The following GLIS3 variants were observed in gnomAD, a reference collection of about 807,000 sequenced individuals.
The protein encoded by GLIS3 is GLIS family zinc finger 3, also known as zinc finger protein GLIS3.
A neutral mutation model predicts 78.6 loss-of-function variants in GLIS3; 53 were observed. That is an observed-to-expected ratio of 0.67 (90% confidence interval 0.54 to 0.85). GLIS3 has a LOEUF of 0.85. Ranked by LOEUF, GLIS3 falls within the 40% of genes least tolerant of loss-of-function variation. The probability of loss-of-function intolerance (pLI) is 0.00; values close to 1 mark genes in which losing one functional copy is unlikely to be tolerated. For synonymous variants in GLIS3, 684 were observed against 509.9 expected (o/e 1.34, Z -4.60); for missense variants, 1,703 against 1,231.1 (o/e 1.38, Z -5.74).
At chr9:4,267,244 A>G (rs1009079375) in intron 2 of GLIS3, among the ~76,000 whole-genome samples, 2 of 152,110 alleles carry the variant, frequency 1.3e-5, no homozygotes, top group African/African-American at 4.8e-5. Context: ...ATTCTAGGCA[A>G]TTTCTGGTAT....
At chr9:4,260,707 C>G (rs1241353735) in intron 2 of GLIS3, among the ~76,000 whole-genome samples, 1 of 151,970 alleles carries the variant, frequency 6.6e-6, no homozygotes, top group African/African-American at 2.4e-5. Context: ...GATCGTGCCA[C>G]TGTACTCCAG....
intron 2 of GLIS3, among the ~76,000 whole-genome samples, chr9:4,259,818 T>C (rs758697063): frequency 9.2e-5 from 14 of 152,176 alleles, no homozygotes; most frequent in Non-Finnish European, 1.0e-4. Context: ...TTTCTGGAAT[T>C]AGATGCCATT....
chr9:4,428,727 C>T, the GLIS3 span, among the ~76,000 whole-genome samples: 1 of 152,098 alleles, frequency 6.6e-6, no homozygotes, highest in Non-Finnish European at 1.5e-5. Flanking sequence ...CCCTAGGAAT[C>T]CCGCAAAAGC....
chr9:3,870,099 G>C (rs1327402119), intron 8 of GLIS3, among the ~76,000 whole-genome samples: 1 of 152,208 alleles, frequency 6.6e-6, no homozygotes, highest in Non-Finnish European at 1.5e-5. Flanking sequence ...TTACAGAATT[G>C]CAAAGCCATT....
chr9:3,990,433 T>C (rs903158216), intron 4 of GLIS3, among the ~76,000 whole-genome samples: 5 of 152,186 alleles, frequency 3.3e-5, no homozygotes, highest in African/African-American at 1.2e-4. Flanking sequence ...AGTCCTTGGC[T>C]CATGATGGAA....
chr9:4,029,933 G>T (rs920533471), intron 4 of GLIS3, among the ~76,000 whole-genome samples: 12 of 152,270 alleles, frequency 7.9e-5, no homozygotes, highest in Middle Eastern at 3.4e-3. Context: ...TCAATATACT[G>T]ATTTCCTTTC....
At chr9:4,002,972 T>C (rs1398234533) in intron 4 of GLIS3, among the ~76,000 whole-genome samples, 1 of 152,248 alleles carries the variant, frequency 6.6e-6, no homozygotes, top group Admixed American at 6.5e-5. Context: ...CATAGTTGCA[T>C]ACTTCTGGAA....
At chr9:4,143,149 C>G (rs1833934398) in intron 2 of GLIS3, among the ~76,000 whole-genome samples, 1 of 152,112 alleles carries the variant, frequency 6.6e-6, no homozygotes, top group Non-Finnish European at 1.5e-5. Flanking sequence ...GATGATTTGA[C>G]ATACGTACAC....
At chr9:4,073,971 C>T (rs1827838866) in intron 4 of GLIS3, among the ~76,000 whole-genome samples, 1 of 152,134 alleles carries the variant, frequency 6.6e-6, no homozygotes, top group South Asian at 2.1e-4. Flanking sequence ...TGTAGAAGGC[C>T]ATCATACGAA....
intron 2 of GLIS3, among the ~76,000 whole-genome samples, chr9:4,222,285 C>T (rs753905039): frequency 1.3e-5 from 2 of 152,146 alleles, no homozygotes; most frequent in African/African-American, 4.8e-5. Context: ...CAACCCCAAA[C>T]AAAATACTAT....
intron 6 of GLIS3, among the ~76,000 whole-genome samples, chr9:3,920,099 G>T (rs1268557725): frequency 1.3e-5 from 2 of 150,088 alleles, no homozygotes; most frequent in South Asian, 2.1e-4. Flanking sequence ...CGCCTCCTGG[G>T]TTCACACCAT....
chr9:4,133,628 C>A (rs920862421), intron 2 of GLIS3, among the ~76,000 whole-genome samples: 8 of 152,182 alleles, frequency 5.3e-5, no homozygotes, highest in Non-Finnish European at 1.0e-4. Context: ...GAGGTTAACA[C>A]TAGCAGTTAC....
At chr9:4,262,707 C>G (rs764774991) in intron 2 of GLIS3, among the ~76,000 whole-genome samples, 44 of 152,048 alleles carry the variant, frequency 2.9e-4, no homozygotes, top group Non-Finnish European at 5.1e-4. Flanking sequence ...CACTATGCAG[C>G]TTTTCTAACT....
chr9:4,094,381 CCT>C (rs1665213696), intron 4 of GLIS3, among the ~76,000 whole-genome samples: 1 of 152,096 alleles, frequency 6.6e-6, no homozygotes, highest in Non-Finnish European at 1.5e-5. Flanking sequence ...GCCAACATTT[CCT>C]CTGTTTTAAT....
the GLIS3 span, among the ~76,000 whole-genome samples, chr9:4,369,014 T>G: frequency 6.6e-6 from 1 of 152,256 alleles, no homozygotes; most frequent in Non-Finnish European, 1.5e-5. Flanking sequence ...TTCCTGAAAA[T>G]TTTCTCCATT....
At chr9:4,212,568 C>G (rs149275192) in intron 2 of GLIS3, among the ~76,000 whole-genome samples, 2 of 152,290 alleles carry the variant, frequency 1.3e-5, no homozygotes, top group East Asian at 3.9e-4. Flanking sequence ...ACACATGGCA[C>G]ACAGGTGGCG....
chr9:3,945,362 A>T (rs991639329), intron 4 of GLIS3, among the ~76,000 whole-genome samples: 6 of 152,140 alleles, frequency 3.9e-5, no homozygotes, highest in African/African-American at 1.4e-4. Flanking sequence ...ATTATTTCAG[A>T]CTCTTAAGTA....
At chr9:4,471,214 C>T in the GLIS3 span, among the ~76,000 whole-genome samples, 1 of 152,210 alleles carries the variant, frequency 6.6e-6, no homozygotes, top group African/African-American at 2.4e-5. Flanking sequence ...CCATCCCCAT[C>T]AAGCTACCAA....
chr9:3,925,948 T>C (rs1177328044), intron 6 of GLIS3, among the ~76,000 whole-genome samples: 1 of 152,188 alleles, frequency 6.6e-6, no homozygotes, highest in Non-Finnish European at 1.5e-5. Flanking sequence ...AAGAACCTAC[T>C]GAGGCCATTA....
Sources: allele counts gnomAD v4.1 joint callset (sites outside exome capture counted in the v4.1 genomes callset), GRCh38; gene constraint gnomAD v4.1.1; transcripts MANE v1.5; gene names NCBI Gene and HGNC (gene_info 2026-07-23, HGNC 2026-07-21).